Variants in UXS1 observed in about 807,000 individuals in gnomAD.
UXS1 encodes UDP-glucuronic acid decarboxylase 1.
UXS1 carries 33 observed loss-of-function variants against 62.6 expected under a neutral mutation model. That is an observed-to-expected ratio of 0.53 (90% CI 0.40 to 0.70). UXS1 has a LOEUF of 0.70. UXS1 is among the 30% of genes least tolerant of loss of function. UXS1 has a pLI of 0.00. For synonymous variants in UXS1, 213 were observed against 206.8 expected (o/e 1.03, Z -0.26); for missense variants, 434 against 556.3 (o/e 0.78, Z 2.21).
intron 1 of UXS1, among the ~76,000 whole-genome samples, chr2:106,177,020 T>C (rs1037618852): frequency 3.9e-5 from 6 of 152,290 alleles, no homozygotes; most frequent in Admixed American, 2.6e-4. Context: ...TGCCCCAAGA[T>C]GTCACCTTTT....
At chr2:106,184,283 G>T (rs911277991) in intron 1 of UXS1, among the ~76,000 whole-genome samples, 1 of 152,204 alleles carries the variant, frequency 6.6e-6, no homozygotes, top group African/African-American at 2.4e-5. Context: ...CCTAGGACTT[G>T]TCATATTTGT....
chr2:106,181,853 A>G (rs1684266442), intron 1 of UXS1, among the ~76,000 whole-genome samples: 1 of 152,268 alleles, frequency 6.6e-6, no homozygotes, highest in South Asian at 2.1e-4. Context: ...ATCCAACGTA[A>G]CATGTAAAGC....
At chr2:106,099,974 T>C (rs936617063) in intron 12 of UXS1, among the ~76,000 whole-genome samples, 4 of 152,314 alleles carry the variant, frequency 2.6e-5, no homozygotes, top group South Asian at 2.1e-4. Context: ...GTATTTGAGA[T>C]GGCTGGTTAC....
rs56154825 is a variant in UXS1 at position 106,178,480 on chromosome 2, G to GTATA, written c.95-12401_95-12398dup. ...TGTGTGTATATACATACAAGTGTGT[G>GTATA]TATATATATATAAGTATGTGTATGT... On this transcript the variant is annotated intron_variant, in intron 1 of 14. Coordinates refer to ENST00000283148, the MANE Select transcript of UXS1 (RefSeq NM_001253875.2). Among the ~76,000 whole-genome samples, 7 of 151,392 alleles carry GTATA rather than the reference G, an allele frequency of 4.6e-5. No homozygotes were observed. In the South Asian group the frequency reaches 8.4e-4, roughly 18 times the overall value.
chr2:106,154,535 G>A (rs1444237844), intron 5 of UXS1, among the ~76,000 whole-genome samples: 5 of 152,130 alleles, frequency 3.3e-5, no homozygotes, highest in Admixed American at 2.0e-4. Context: ...AGAACACCAA[G>A]GATTGCTGGC....
intron 1 of UXS1, among the ~76,000 whole-genome samples, chr2:106,178,452 ATG>A (rs1558754862): frequency 6.6e-6 from 1 of 152,058 alleles, no homozygotes; most frequent in Non-Finnish European, 1.5e-5. Context: ...GTATATATGT[ATG>A]TGTGTGTATA....
At chr2:106,188,626 C>T (rs570492802) in intron 1 of UXS1, among the ~76,000 whole-genome samples, 1 of 152,320 alleles carries the variant, frequency 6.6e-6, no homozygotes, top group East Asian at 1.9e-4. Flanking sequence ...GGCAGCCAAG[C>T]CTCCCCTTCC....
At chr2:106,103,784 G>A (rs1441789090) in intron 11 of UXS1, among the ~76,000 whole-genome samples, 1 of 152,116 alleles carries the variant, frequency 6.6e-6, no homozygotes, top group African/African-American at 2.4e-5. Context: ...TGGAGTAAAT[G>A]GAAATTCACA....
At chr2:106,166,178 T>C (rs936663022) in intron 1 of UXS1, 95 bp from the exon 2 acceptor site, 2 of 1,259,876 alleles carry the variant, frequency 1.6e-6, no homozygotes. Flanking sequence ...ATATTTTAAA[T>C]TTTACAAAGA....
intron 1 of UXS1, among the ~76,000 whole-genome samples, chr2:106,179,294 T>TC: frequency 6.6e-6 from 1 of 152,054 alleles, no homozygotes; most frequent in Non-Finnish European, 1.5e-5. Context: ...CCCTGGCTCT[T>TC]CCCCTGACCC....
At position 106,096,792 on chromosome 2, in the gene UXS1, C is replaced by G; in HGVS notation, c.1072G>C (p.Glu358Gln). Residue 358 changes from glutamate (E) to glutamine (Q), a missense_variant, in exon 14 of 15, where the codon GAA (glutamate) becomes CAA (glutamine). This residue lies in a region of UXS1 where 209 missense variants were observed against 233.3 expected (regional missense o/e 0.90). Coordinates refer to ENST00000283148, the MANE Select transcript of UXS1 (RefSeq NM_001253875.2). ...CTTTTCTGTGGGTCATCCTGGGCTTCGGAGAGAAACTGAATTTCACTTCCG... is the reference window on the plus strand; with the variant it reads ...CTTTTCTGTGGGTCATCCTGGGCTTGGGAGAGAAACTGAATTTCACTTCCG... The part of the protein sequence containing the change: ...GSGSEIQFLS[E>Q]AQDDPQKRKP... 1 of 1,591,494 alleles carries G rather than the reference C, an allele frequency of 6.3e-7. No homozygotes were observed. Among genetic ancestry groups the G allele is most frequent in the Non-Finnish European group, 8.6e-7 (1 of 1,167,638 alleles).
intron 5 of UXS1, 88 bp downstream of exon 5, chr2:106,157,970 G>T: frequency 8.7e-7 from 1 of 1,146,204 alleles, no homozygotes; most frequent in Non-Finnish European, 1.3e-6. Context: ...TCTTTGAGAA[G>T]CGTGAATTCT....
At chr2:106,179,758 T>C (rs984041437) in intron 1 of UXS1, among the ~76,000 whole-genome samples, 1 of 152,210 alleles carries the variant, frequency 6.6e-6, no homozygotes, top group African/African-American at 2.4e-5. Flanking sequence ...ATGATATAAA[T>C]CTACCAATGA....
chr2:106,110,220 G>GC (rs1396219589), intron 10 of UXS1, among the ~76,000 whole-genome samples: 1 of 152,196 alleles, frequency 6.6e-6, no homozygotes, highest in African/African-American at 2.4e-5. Context: ...AGAGACTGAA[G>GC]CCCACCACGT....
At chr2:106,139,120 A>T (rs1449733417) in intron 6 of UXS1, among the ~76,000 whole-genome samples, 1 of 152,152 alleles carries the variant, frequency 6.6e-6, no homozygotes, top group African/African-American at 2.4e-5. Flanking sequence ...GAGTACACCA[A>T]GCATGAGCCT....
chr2:106,164,846 T>C, intron 2 of UXS1, 47 bp from the exon 3 acceptor site: 1 of 1,441,796 alleles, frequency 6.9e-7, no homozygotes, highest in Non-Finnish European at 9.4e-7. Flanking sequence ...TTAAGACTGT[T>C]TCTGAATAAA....
chr2:106,120,424 G>A (rs1423557076), intron 9 of UXS1, among the ~76,000 whole-genome samples: 1 of 152,204 alleles, frequency 6.6e-6, no homozygotes, highest in Non-Finnish European at 1.5e-5. Flanking sequence ...CAGTGGGAAC[G>A]GGTAGGGTCC....
intron 4 of UXS1, 134 bp from the exon 5 acceptor site, chr2:106,158,252 C>A: frequency 1.4e-6 from 1 of 728,902 alleles, no homozygotes; most frequent in South Asian, 1.8e-5. Flanking sequence ...TGAATGAGTG[C>A]TGGAGAAACC....
chr2:106,107,303 C>T lies in UXS1; in HGVS notation c.880-2466G>A, dbSNP rs888831834. On this transcript the variant is annotated intron_variant, in intron 10 of 14. Coordinates refer to ENST00000283148, the MANE Select transcript of UXS1 (RefSeq NM_001253875.2). ...ACAGAAAGCCCACCTTTGTCCAGAG[C>T]GGCAGTGGCCTTCAACAAGCCAGCC... Among the ~76,000 whole-genome samples, 90 of 152,218 alleles carry T rather than the reference C, an allele frequency of 5.9e-4. 2 individuals carry two copies. Among genetic ancestry groups the T allele is most frequent in the Non-Finnish European group, 1.9e-4 (13 of 68,036 alleles).
Sources: allele counts gnomAD v4.1 joint callset (sites outside exome capture counted in the v4.1 genomes callset), GRCh38; gene constraint gnomAD v4.1.1; regional missense constraint gnomAD v4.1.1; transcripts MANE v1.5; gene names NCBI Gene and HGNC (gene_info 2026-07-23, HGNC 2026-07-21).